The following PM20D2 variants were observed in gnomAD, a reference collection of about 807,000 sequenced individuals.
PM20D2 encodes the protein peptidase M20 domain containing 2, also known as xaa-Arg dipeptidase.
PM20D2 carries 33 observed loss-of-function variants against 42.9 expected under a neutral mutation model. That is an observed-to-expected ratio of 0.77 (90% CI 0.58 to 1.03). The LOEUF is 1.03. Ranked by LOEUF, PM20D2 falls within the 50% of genes least tolerant of loss-of-function variation. The probability of loss-of-function intolerance (pLI) is 0.00; values close to 1 mark genes in which losing one functional copy is unlikely to be tolerated. For missense variants in PM20D2, 548 were observed against 557.0 expected, an observed-to-expected ratio of 0.98 and a Z score of 0.16; for synonymous variants, 250 against 228.2, an observed-to-expected ratio of 1.10 and a Z score of -0.86.
At chr6:89,110,844 G>A in the PM20D2 span, among the ~76,000 whole-genome samples, 1 of 152,160 alleles carries the variant, frequency 6.6e-6, no homozygotes, top group Non-Finnish European at 1.5e-5. Context: ...GCCCAGGCAT[G>A]GTGGCTGATA....
rs1255639393 is a variant in PM20D2 at position 89,164,666 on chromosome 6, T to C, written c.*2403T>C. 6.6e-6 allele frequency: 1 copy of C among 152,376 alleles called. No individual in the cohort carries two copies. The highest frequency in any genetic ancestry group is 2.4e-5 in the African/African-American group (1 of 41,420). The allele number at this position is 152,376 out of a possible 1,614,324, so 9.4% of individuals were successfully genotyped here. A position where few individuals can be genotyped will look rare whatever the true frequency, so the allele number is the denominator to read the frequency against. ...CAATCAGTTAATGTCTTTAGCACAC[T>C]AAAGCAGTATTAAACACAGGTACAA... On this transcript the variant is annotated 3_prime_UTR_variant, in exon 7 of 7. Coordinates refer to ENST00000275072, the MANE Select transcript of PM20D2 (RefSeq NM_001010853.3).
intron 5 of PM20D2, 62 bp from the exon 6 acceptor site, chr6:89,161,721 A>G: frequency 7.7e-7 from 1 of 1,303,246 alleles, no homozygotes; most frequent in Non-Finnish European, 1.1e-6. Context: ...GTGACTTCAT[A>G]ACTCCAGAAT....
In PM20D2 at chr6:89,163,386, C is replaced by T. The variant is rs1771310797; in HGVS notation, c.*1123C>T. The T allele has an allele frequency of 6.6e-6, 1 of 152,156 alleles. No individual in the cohort carries two copies. Among genetic ancestry groups the T allele is most frequent in the Non-Finnish European group, 1.5e-5 (1 of 68,034 alleles). 9.4% of individuals were successfully genotyped at this position (152,156 alleles called of 1,614,324 possible). On this transcript the variant is annotated 3_prime_UTR_variant, in exon 7 of 7. Coordinates refer to ENST00000275072, the MANE Select transcript of PM20D2 (RefSeq NM_001010853.3). ...TAATAGAGACAGGGGCTCGCTGTAG[C>T]TTCCAGGCTGGCCTCAAACTCCTGG...
chr6:89,150,650 C>T (rs1770801049), intron 2 of PM20D2, among the ~76,000 whole-genome samples: 1 of 148,270 alleles, frequency 6.7e-6, no homozygotes, highest in South Asian at 2.1e-4. Flanking sequence ...AGTGATTCTC[C>T]TTCCTCAGCC....
At chr6:89,114,100 A>G in the PM20D2 span, among the ~76,000 whole-genome samples, 1 of 152,192 alleles carries the variant, frequency 6.6e-6, no homozygotes, top group African/African-American at 2.4e-5. Context: ...TACTTAACCT[A>G]AACGTTGATT....
intron 2 of PM20D2, among the ~76,000 whole-genome samples, chr6:89,151,732 G>A (rs1770850470): frequency 6.6e-6 from 1 of 152,102 alleles, no homozygotes; most frequent in East Asian, 1.9e-4. Context: ...TAAATAGTAT[G>A]TCTTGAAAAT....
chr6:89,122,745 A>G, the PM20D2 span, among the ~76,000 whole-genome samples: 1 of 152,266 alleles, frequency 6.6e-6, no homozygotes, highest in Non-Finnish European at 1.5e-5. Context: ...GGATTAATGA[A>G]GTCAACAGAG....
the PM20D2 span, among the ~76,000 whole-genome samples, chr6:89,127,820 A>C: frequency 6.6e-6 from 1 of 152,340 alleles, no homozygotes; most frequent in African/African-American, 2.4e-5. Context: ...CCCCAAATGG[A>C]GGGACCGGCT....
chr6:89,141,664 C>A (rs1582318811), upstream of PM20D2, among the ~76,000 whole-genome samples: 1 of 152,196 alleles, frequency 6.6e-6, no homozygotes, highest in South Asian at 2.1e-4. Context: ...CCACGCCTGG[C>A]CTGCAAAAGC....
the PM20D2 span, among the ~76,000 whole-genome samples, chr6:89,109,857 C>T: frequency 6.6e-5 from 10 of 152,100 alleles, no homozygotes; most frequent in Non-Finnish European, 1.0e-4. Flanking sequence ...TTTGGGAGGC[C>T]GAGGTGGGCG....
At chr6:89,104,268 G>A in the PM20D2 span, among the ~76,000 whole-genome samples, 2 of 133,924 alleles carry the variant, frequency 1.5e-5, no homozygotes, top group East Asian at 2.2e-4. Flanking sequence ...ACGGAGTCTC[G>A]CTCTGTCGCT....
chr6:89,105,396 T>TAAA, the PM20D2 span: 1 of 1,575,094 alleles, frequency 6.3e-7, no homozygotes, highest in South Asian at 1.2e-5. Context: ...TTCTGCTGAA[T>TAAA]AAATAAAATC....
the PM20D2 span, among the ~76,000 whole-genome samples, chr6:89,094,776 C>T: frequency 4.6e-5 from 6 of 129,278 alleles, no homozygotes; most frequent in Middle Eastern, 3.9e-3. Context: ...CATTCTGCTA[C>T]GCATCTTTTT....
chr6:89,099,057 A>T, the PM20D2 span: 1 of 1,291,322 alleles, frequency 7.7e-7, no homozygotes, highest in Non-Finnish European at 1.0e-6. Flanking sequence ...TATTTTTACT[A>T]GATAAGCTAA....
At chr6:89,114,509 G>A in the PM20D2 span, among the ~76,000 whole-genome samples, 1 of 152,030 alleles carries the variant, frequency 6.6e-6, no homozygotes, top group African/African-American at 2.4e-5. Context: ...TTTTTAGTAT[G>A]GCACCTAGTA....
intron 5 of PM20D2, among the ~76,000 whole-genome samples, chr6:89,160,060 G>T (rs1278120197): frequency 6.6e-6 from 1 of 151,556 alleles, no homozygotes; most frequent in East Asian, 1.9e-4. Context: ...GTTTTTTTTT[G>T]TCCATCCTTT....
chr6:89,160,257 A>C (rs1396501823), intron 5 of PM20D2, among the ~76,000 whole-genome samples: 1 of 152,210 alleles, frequency 6.6e-6, no homozygotes, highest in Non-Finnish European at 1.5e-5. Context: ...TATGCCTCAA[A>C]GTCTGGCCTC....
the PM20D2 span, among the ~76,000 whole-genome samples, chr6:89,127,271 A>G: frequency 6.6e-6 from 1 of 152,202 alleles, no homozygotes; most frequent in Non-Finnish European, 1.5e-5. Flanking sequence ...AAATTAATAC[A>G]AAGAGAAACA....
chr6:89,154,940 AGG>A (rs1491570158), intron 4 of PM20D2, 38 bp downstream of exon 4: 1 of 1,526,338 alleles, frequency 6.6e-7, no homozygotes, highest in East Asian at 2.4e-5. Context: ...TTACAATCAG[AGG>A]TATATATGTG....
Sources: gnomAD v4.1 joint callset for allele counts (sites outside exome capture counted in the v4.1 genomes callset) on GRCh38, gnomAD v4.1.1 for gene constraint, MANE v1.5 for transcripts, NCBI Gene and HGNC (gene_info 2026-07-23, HGNC 2026-07-21) for gene names.